The following ARMH4 variants were observed in gnomAD, a reference collection of about 807,000 sequenced individuals.
The protein encoded by ARMH4 is armadillo-like helical domain-containing protein 4.
Under a neutral mutation model 61.9 loss-of-function variants are expected in ARMH4, and 49 were observed. The observed-to-expected ratio is 0.79, with a 90% confidence interval of 0.63 to 1.00. The LOEUF (loss-of-function observed/expected upper bound fraction) is 1.00. Among genes scored for constraint, ARMH4 ranks in the 50% least tolerant of loss-of-function variants. The pLI, the probability that ARMH4 is intolerant of heterozygous loss-of-function variation, is 0.00. For missense variants in ARMH4, 934 were observed against 930.0 expected, an observed-to-expected ratio of 1.00 and a Z score of -0.06; for synonymous variants, 368 against 341.5, an observed-to-expected ratio of 1.08 and a Z score of -0.85.
chr14:58,042,655 C>A (rs1052985516), intron 5 of ARMH4, among the ~76,000 whole-genome samples: 8 of 152,126 alleles, frequency 5.3e-5, no homozygotes, highest in Non-Finnish European at 7.3e-5. Context: ...ATCAATGACT[C>A]CAGGAGCTGG....
intron 5 of ARMH4, among the ~76,000 whole-genome samples, chr14:58,081,905 C>G (rs1381399127): frequency 6.6e-6 from 1 of 150,388 alleles, no homozygotes; most frequent in Non-Finnish European, 1.5e-5. Flanking sequence ...AATGATCGTA[C>G]ATGTTCCAAA....
Position 58,043,989 on chromosome 14 carries a change from T to G in ARMH4, c.2090-31839A>C, listed in dbSNP as rs547182391. ...AGGATACAAACAAATGGAAGAACAT[T>G]CCATGCTCATGGATAGGAAGAATCA... On this transcript the variant is annotated intron_variant, in intron 5 of 7. Transcript: ENST00000267485. 2.6e-5 allele frequency among the ~76,000 whole-genome samples: 4 copies of G among 152,260 alleles called. No individual in the cohort carries two copies. In the East Asian group the frequency reaches 7.7e-4, roughly 29 times the overall value.
rs561923719 is a variant in ARMH4, at chr14:58,059,673, T to C, written c.2089+37051A>G. ...CAAAAATGTGCCACTGAAAACCCTC[T>C]GAAGCAGTAATTCTCTCTTTGTATG... On this transcript the variant is annotated intron_variant, in intron 5 of 7. Coordinates refer to ENST00000267485, the MANE Select transcript of ARMH4 (RefSeq NM_001001872.4). Among the ~76,000 whole-genome samples the C allele has an allele frequency of 3.9e-5, 6 of 152,356 alleles. No individual in the cohort carries two copies. The East Asian group carries it at 1.2e-3, about 29-fold the overall frequency.
intron 5 of ARMH4, among the ~76,000 whole-genome samples, chr14:58,069,813 T>C (rs1018118098): frequency 6.6e-6 from 1 of 152,202 alleles, no homozygotes; most frequent in East Asian, 1.9e-4. Context: ...AAATTGATCA[T>C]CTCTCAGAAC....
intron 5 of ARMH4, among the ~76,000 whole-genome samples, chr14:58,056,044 T>C (rs1291263077): frequency 1.3e-5 from 2 of 152,220 alleles, no homozygotes; most frequent in Non-Finnish European, 2.9e-5. Flanking sequence ...TTCCTTTTAA[T>C]GTGTATTAAA....
chr14:58,081,876 T>C (rs988480293), intron 5 of ARMH4, among the ~76,000 whole-genome samples: 12 of 152,126 alleles, frequency 7.9e-5, no homozygotes, highest in Admixed American at 7.9e-4. Flanking sequence ...GATTTTTTTC[T>C]TTCTTAATAG....
At chr14:58,068,206 G>C (rs1353059202) in intron 5 of ARMH4, among the ~76,000 whole-genome samples, 2 of 152,076 alleles carry the variant, frequency 1.3e-5, no homozygotes, top group African/African-American at 4.8e-5. Context: ...CACGATGGGA[G>C]GAGTTATCAG....
intron 1 of ARMH4, among the ~76,000 whole-genome samples, chr14:58,150,115 T>C (rs931474834): frequency 3.9e-5 from 6 of 152,192 alleles, no homozygotes; most frequent in Admixed American, 1.3e-4. Flanking sequence ...AGTGACCCAA[T>C]TGGACATATC....
At chr14:58,092,626 CT>C (rs1885608887) in intron 5 of ARMH4, among the ~76,000 whole-genome samples, 1 of 152,094 alleles carries the variant, frequency 6.6e-6, no homozygotes, top group African/African-American at 2.4e-5. Flanking sequence ...GTTTCCTTGC[CT>C]TTTCCAGCTT....
At chr14:58,081,229 A>G (rs918784830) in intron 5 of ARMH4, among the ~76,000 whole-genome samples, 2 of 152,188 alleles carry the variant, frequency 1.3e-5, no homozygotes, top group South Asian at 4.1e-4. Flanking sequence ...ACAAACCAGC[A>G]GCATCAGTCT....
At chr14:58,085,160 A>T (rs978309804) in intron 5 of ARMH4, among the ~76,000 whole-genome samples, 1 of 152,138 alleles carries the variant, frequency 6.6e-6, no homozygotes. Flanking sequence ...TTAATTAAGC[A>T]ATTCACCTTA....
At chr14:58,143,517 G>A (rs1417236428) in intron 1 of ARMH4, among the ~76,000 whole-genome samples, 1 of 152,184 alleles carries the variant, frequency 6.6e-6, no homozygotes, top group Non-Finnish European at 1.5e-5. Flanking sequence ...AGGCTGGAGT[G>A]CACTGATGCC....
chr14:58,023,551 T>G (rs1489457833), intron 5 of ARMH4, among the ~76,000 whole-genome samples: 1 of 152,168 alleles, frequency 6.6e-6, no homozygotes, highest in Non-Finnish European at 1.5e-5. Flanking sequence ...ACGTCATCCA[T>G]AAGGGTTAGA....
chr14:58,008,148 C>T (rs931447798), intron 6 of ARMH4, among the ~76,000 whole-genome samples: 5 of 152,090 alleles, frequency 3.3e-5, no homozygotes, highest in African/African-American at 1.2e-4. Flanking sequence ...CTAATAACTG[C>T]ACAGAGATCT....
chr14:58,021,396 T>C (rs2141147654), intron 5 of ARMH4, among the ~76,000 whole-genome samples: 1 of 152,356 alleles, frequency 6.6e-6, no homozygotes, highest in African/African-American at 2.4e-5. Context: ...ATGTAGGATG[T>C]GCCTTTGGCT....
chr14:58,107,212 A>G (rs1886191586), intron 4 of ARMH4, among the ~76,000 whole-genome samples: 1 of 152,176 alleles, frequency 6.6e-6, no homozygotes, highest in East Asian at 1.9e-4. Flanking sequence ...CAAAGATAGA[A>G]AAAACCTTGG....
At chr14:58,121,128 C>T (rs1886709102) in intron 4 of ARMH4, among the ~76,000 whole-genome samples, 1 of 152,200 alleles carries the variant, frequency 6.6e-6, no homozygotes, top group South Asian at 2.1e-4. Context: ...TATCTTACCT[C>T]TTCTACTAGC....
intron 5 of ARMH4, among the ~76,000 whole-genome samples, chr14:58,040,824 G>C (rs924957601): frequency 7.9e-5 from 12 of 152,176 alleles, no homozygotes; most frequent in African/African-American, 2.4e-4. Flanking sequence ...AACTAAATCA[G>C]TTGTTATGGG....
chr14:58,147,546 C>T (rs973935083), intron 1 of ARMH4, among the ~76,000 whole-genome samples: 2 of 152,114 alleles, frequency 1.3e-5, no homozygotes, highest in Non-Finnish European at 2.9e-5. Flanking sequence ...ATCTCTTGAC[C>T]TCATGATCCG....
Sources: gnomAD v4.1 joint callset for allele counts (sites outside exome capture counted in the v4.1 genomes callset) on GRCh38, gnomAD v4.1.1 for gene constraint, MANE v1.5 for transcripts, NCBI Gene and HGNC (gene_info 2026-07-23, HGNC 2026-07-21) for gene names.